KHDRBS3: variants seen among roughly 807,000 people sequenced by gnomAD.
KHDRBS3 encodes KH RNA binding domain containing, signal transduction associated 3.
KHDRBS3 carries 23 observed loss-of-function variants against 45.6 expected under a neutral mutation model. The ratio of observed to expected loss-of-function variants is 0.50; its 90% CI spans 0.36 to 0.72. The LOEUF (loss-of-function observed/expected upper bound fraction) is 0.72, where lower values mean the gene tolerates loss of function less well. Among genes scored for constraint, KHDRBS3 ranks in the 30% least tolerant of loss-of-function variants. The pLI, the probability that KHDRBS3 is intolerant of heterozygous loss-of-function variation, is 0.00. For synonymous variants in KHDRBS3, 162 were observed against 156.5 expected (o/e 1.04, Z -0.26); for missense variants, 352 against 424.8 (o/e 0.83, Z 1.51).
intron 1 of KHDRBS3, among the ~76,000 whole-genome samples, chr8:135,462,950 C>T (rs1403156724): frequency 6.6e-6 from 1 of 152,182 alleles, no homozygotes; most frequent in Admixed American, 6.5e-5. Context: ...TTTCCTCTAG[C>T]CTGTGCTGAA....
intron 6 of KHDRBS3, among the ~76,000 whole-genome samples, chr8:135,602,248 C>G (rs947501804): frequency 2.0e-5 from 3 of 152,174 alleles, no homozygotes; most frequent in Admixed American, 6.5e-5. Flanking sequence ...CTCCTTTTCT[C>G]CTATTGCACC....
chr8:135,527,814 T>C (rs762053146), intron 2 of KHDRBS3, among the ~76,000 whole-genome samples: 16 of 152,252 alleles, frequency 1.1e-4, no homozygotes, highest in Non-Finnish European at 2.9e-5. Flanking sequence ...TGGGGAATTA[T>C]TTGAAAAAGC....
intron 1 of KHDRBS3, among the ~76,000 whole-genome samples, chr8:135,498,631 T>C (rs1823578809): frequency 6.6e-6 from 1 of 152,224 alleles, no homozygotes; most frequent in Non-Finnish European, 1.5e-5. Context: ...ATATAGTCTG[T>C]AAAATGTTAG....
At chr8:135,619,718 A>G (rs1274012863) in intron 7 of KHDRBS3, among the ~76,000 whole-genome samples, 1 of 152,276 alleles carries the variant, frequency 6.6e-6, no homozygotes, top group African/African-American at 2.4e-5. Flanking sequence ...AATATGTCTT[A>G]CATTCCAATT....
In KHDRBS3 at chr8:135,632,423, C is replaced by G. The variant is rs898678014; in HGVS notation, c.891-12636C>G. Among the ~76,000 whole-genome samples, 3 of 152,146 alleles carry G rather than the reference C, an allele frequency of 2.0e-5. No homozygotes were observed. The East Asian group carries it at 5.8e-4, about 30-fold the overall frequency. The stretch of plus-strand genomic sequence containing the variant: ...TCCTTTAACCTCTTCTCCATTTGCT[C>G]TCTTCTCAGTGGTCTCACTGTCTCA... On this transcript the variant is annotated intron_variant, in intron 7 of 8. Coordinates refer to ENST00000355849, the MANE Select transcript of KHDRBS3 (RefSeq NM_006558.3).
chr8:135,458,088 G>A, intron 1 of KHDRBS3, 134 bp downstream of exon 1: 1 of 1,394,500 alleles, frequency 7.2e-7, no homozygotes, highest in East Asian at 3.0e-5. Flanking sequence ...GGCCCCCGGG[G>A]TCGTTTGCAC....
chr8:135,506,881 C>T (rs1474761831), intron 1 of KHDRBS3, among the ~76,000 whole-genome samples: 1 of 101,408 alleles, frequency 9.9e-6, no homozygotes, highest in African/African-American at 4.3e-5. Flanking sequence ...ATATACAAAA[C>T]TACTTTTGTT....
intron 4 of KHDRBS3, chr8:135,549,170 T>G: frequency 3.9e-6 from 1 of 256,764 alleles, no homozygotes; most frequent in Non-Finnish European, 7.3e-6. Context: ...CTAGTTCAGG[T>G]TTTGAAACGC....
rs1284408716 is a variant in KHDRBS3 at position 135,581,989 on chromosome 8, T to A, written c.723T>A (p.Leu241=). 1 of 1,613,126 alleles carries A rather than the reference T, an allele frequency of 6.2e-7. No individual in the cohort carries two copies. The highest frequency in any genetic ancestry group is 8.5e-7 in the Non-Finnish European group (1 of 1,179,626). Residue 241 remains leucine (L), a synonymous_variant, in exon 6 of 9, where the codon CTT becomes CTA. Transcript: ENST00000355849. The stretch of plus-strand genomic sequence containing the variant: ...GGCCAGTGAGTCGGGGAAGAGGACT[T>A]CTCACTCCCAGAGCAAGAGGAGTCC... ...TRGPVSRGRG[L]LTPRARGVPP... is the part of the protein sequence containing the mutation.
At chr8:135,583,910 C>G (rs1828332489) in intron 6 of KHDRBS3, among the ~76,000 whole-genome samples, 1 of 152,124 alleles carries the variant, frequency 6.6e-6, no homozygotes, top group African/African-American at 2.4e-5. Context: ...TTTGGGTTTG[C>G]TGCTTGTACT....
chr8:135,620,439 G>A (rs1352945885), intron 7 of KHDRBS3, among the ~76,000 whole-genome samples: 1 of 152,016 alleles, frequency 6.6e-6, no homozygotes, highest in African/African-American at 2.4e-5. Flanking sequence ...TTCCTTCTCT[G>A]CCTCATCTCA....
At chr8:135,574,103 G>T (rs1827836000) in intron 5 of KHDRBS3, among the ~76,000 whole-genome samples, 1 of 151,974 alleles carries the variant, frequency 6.6e-6, no homozygotes. Context: ...AATGTTATTT[G>T]TAGCACTCAG....
chr8:135,552,737 A>T (rs1298785086), intron 4 of KHDRBS3, among the ~76,000 whole-genome samples: 10 of 152,110 alleles, frequency 6.6e-5, no homozygotes, highest in Admixed American at 5.9e-4. Flanking sequence ...TACAGCTAAT[A>T]ATATCTCTGT....
intron 8 of KHDRBS3, 106 bp downstream of exon 8, chr8:135,645,223 G>A (rs1012836239): frequency 3.7e-6 from 4 of 1,079,908 alleles, no homozygotes; most frequent in Non-Finnish European, 4.2e-6. Flanking sequence ...CTCTGAAACA[G>A]CAGCTTCCTG....
intron 6 of KHDRBS3, among the ~76,000 whole-genome samples, chr8:135,590,413 C>G (rs1347910572): frequency 6.6e-6 from 1 of 152,054 alleles, no homozygotes; most frequent in East Asian, 1.9e-4. Context: ...CTTTCTGGGC[C>G]CGAATTTTCT....
Position 135,647,264 on chromosome 8 carries a change from A to C in KHDRBS3, c.*180A>C. 2 of 384,152 alleles carry C rather than the reference A, an allele frequency of 5.2e-6. No homozygotes were observed. The highest frequency in any genetic ancestry group is 9.3e-6 in the Non-Finnish European group (2 of 215,910). 23.8% of individuals were successfully genotyped at this position (384,152 alleles called of 1,614,324 possible). ...TGGGCAGAAAAAAAAAAAAAAAGAC[A>C]TGTAAAATTTTGTTATTTCCAGTCT... On this transcript the variant is annotated 3_prime_UTR_variant, in exon 9 of 9. Transcript: ENST00000355849.
At chr8:135,474,125 T>G (rs1164542793) in intron 1 of KHDRBS3, among the ~76,000 whole-genome samples, 1 of 152,220 alleles carries the variant, frequency 6.6e-6, no homozygotes, top group South Asian at 2.1e-4. Context: ...TGTCAATTTC[T>G]GTGTGAGTAA....
At chr8:135,461,146 C>T (rs1355252487) in intron 1 of KHDRBS3, among the ~76,000 whole-genome samples, 4 of 152,072 alleles carry the variant, frequency 2.6e-5, no homozygotes, top group Non-Finnish European at 5.9e-5. Flanking sequence ...GCTCTGTTGC[C>T]CAGGCTAGAG....
rs1828411331 is a variant in KHDRBS3, at chr8:135,585,223, C to A, written c.807+3150C>A. Reference sequence around the variant, plus strand: ...CAGCCTGGGTGACAGAGCGAGACTCCGTCTCAAAAAAAAAAAAAAAAAAAG... The same window carrying A: ...CAGCCTGGGTGACAGAGCGAGACTCAGTCTCAAAAAAAAAAAAAAAAAAAG... On this transcript the variant is annotated intron_variant, in intron 6 of 8. Transcript: ENST00000355849. Among the ~76,000 whole-genome samples the A allele has an allele frequency of 5.9e-5, 6 of 102,310 alleles. No homozygotes were observed. The Middle Eastern group carries it at 0.018, about 304-fold the overall frequency. The allele number at this position is 102,310 out of a possible 152,430, so 67.1% of individuals were successfully genotyped here.
Sources: allele counts gnomAD v4.1 joint callset (sites outside exome capture counted in the v4.1 genomes callset), GRCh38; gene constraint gnomAD v4.1.1; transcripts MANE v1.5; gene names NCBI Gene and HGNC (gene_info 2026-07-23, HGNC 2026-07-21).